TACR1: variants seen among roughly 807,000 people sequenced by gnomAD.
The protein encoded by TACR1 is tachykinin receptor 1.
A neutral mutation model predicts 35.8 loss-of-function variants in TACR1; 25 were observed. The observed-to-expected ratio is 0.70, with a 90% CI of 0.51 to 0.98. The LOEUF is 0.98. TACR1 is among the 50% of genes least tolerant of loss of function. TACR1 has a pLI of 0.00. For synonymous variants in TACR1, 195 were observed against 206.7 expected (o/e 0.94, Z 0.48); for missense variants, 478 against 522.9 (o/e 0.91, Z 0.84).
At chr2:75,067,334 C>T (rs1294332121) in intron 2 of TACR1, among the ~76,000 whole-genome samples, 3 of 152,078 alleles carry the variant, frequency 2.0e-5, no homozygotes, top group South Asian at 2.1e-4. Context: ...TGGGGCCAGC[C>T]GTGTGTTGAG....
At chr2:75,165,830 T>G (rs943308078) in intron 1 of TACR1, among the ~76,000 whole-genome samples, 1 of 152,226 alleles carries the variant, frequency 6.6e-6, no homozygotes. Flanking sequence ...ACAGCCCACC[T>G]TCTGTCAGAG....
chr2:75,101,676 G>A (rs1302883034), intron 2 of TACR1, among the ~76,000 whole-genome samples: 6 of 152,064 alleles, frequency 3.9e-5, no homozygotes, highest in Non-Finnish European at 8.8e-5. Flanking sequence ...GGCCGGGCAC[G>A]GTGGCTCACA....
Position 75,182,402 on chromosome 2 carries a change from C to T in TACR1, c.389+16144G>A, listed in dbSNP as rs542271865. ...CAATCTATAGTATCTGCCACAATAC[C>T]CACCCCTGACACTCTCACCCTGAAC... is the stretch of plus-strand genomic sequence containing the variant. On this transcript the variant is annotated intron_variant, in intron 1 of 4. Coordinates refer to ENST00000305249, the MANE Select transcript of TACR1 (RefSeq NM_001058.4). Among the ~76,000 whole-genome samples the T allele has an allele frequency of 8.6e-5, 13 of 152,024 alleles. No individual in the cohort carries two copies. The South Asian group carries it at 2.5e-3, about 29-fold the overall frequency.
intron 2 of TACR1, among the ~76,000 whole-genome samples, chr2:75,084,351 G>A (rs1176187992): frequency 7.9e-5 from 12 of 152,212 alleles, no homozygotes; most frequent in South Asian, 2.1e-4. Context: ...GAGGATTTTC[G>A]CATCAATGTT....
chr2:75,088,369 G>C (rs1378403024), intron 2 of TACR1, among the ~76,000 whole-genome samples: 1 of 152,030 alleles, frequency 6.6e-6, no homozygotes, highest in Non-Finnish European at 1.5e-5. Flanking sequence ...GAAATCTCCA[G>C]CCTTTTTATT....
At chr2:75,161,580 C>T (rs1675010636) in intron 1 of TACR1, among the ~76,000 whole-genome samples, 1 of 151,970 alleles carries the variant, frequency 6.6e-6, no homozygotes, top group Non-Finnish European at 1.5e-5. Context: ...ACAGAATGCG[C>T]AACTTTCAAG....
chr2:75,180,993 T>C (rs746518513), intron 1 of TACR1, among the ~76,000 whole-genome samples: 1 of 152,228 alleles, frequency 6.6e-6, no homozygotes, highest in African/African-American at 2.4e-5. Context: ...TGTCTAGCAG[T>C]CTGCCAAGTT....
Position 75,198,663 on chromosome 2 carries a change from G to T in TACR1, c.272C>A (p.Thr91Asn). The T allele has an allele frequency of 1.9e-6, 3 of 1,614,228 alleles. No homozygotes were observed. Among genetic ancestry groups the T allele is most frequent in the Non-Finnish European group, 2.5e-6 (3 of 1,180,026 alleles). Residue 91 changes from threonine to asparagine, a missense_variant, in exon 1 of 5, where the codon ACC (threonine) becomes AAC (asparagine). Thr to Asn is a moderately conservative substitution (Grantham distance 65, BLOSUM62 0). Coordinates refer to ENST00000305249, the MANE Select transcript of TACR1 (RefSeq NM_001058.4). ...MAAFNTVVNFTYAVHNEWYYG... is the reference protein window; with the variant it reads ...MAAFNTVVNFNYAVHNEWYYG... Reference sequence around the variant, plus strand: ...GTACCATTCGTTGTGGACAGCATAGGTGAAGTTCACCACTGTATTGAATGC... The same window carrying T: ...GTACCATTCGTTGTGGACAGCATAGTTGAAGTTCACCACTGTATTGAATGC...
intron 1 of TACR1, among the ~76,000 whole-genome samples, chr2:75,131,426 T>G (rs1202676913): frequency 1.3e-5 from 2 of 152,172 alleles, no homozygotes. Flanking sequence ...AACTCATAGA[T>G]TCAAAGTTTT....
chr2:75,182,639 A>G (rs550603631), intron 1 of TACR1, among the ~76,000 whole-genome samples: 1 of 152,352 alleles, frequency 6.6e-6, no homozygotes, highest in East Asian at 1.9e-4. Flanking sequence ...ATGTTTGGAT[A>G]GACAAAAACT....
At chr2:75,130,833 G>A (rs1344210515) in intron 1 of TACR1, among the ~76,000 whole-genome samples, 1 of 152,158 alleles carries the variant, frequency 6.6e-6, no homozygotes, top group African/African-American at 2.4e-5. Flanking sequence ...AACCTATGCA[G>A]GGAAAATGGT....
chr2:75,133,585 G>C (rs1458011553), intron 1 of TACR1, among the ~76,000 whole-genome samples: 1 of 152,146 alleles, frequency 6.6e-6, no homozygotes, highest in African/African-American at 2.4e-5. Context: ...CATCCACCAA[G>C]TGCTGGGGCT....
intron 2 of TACR1, among the ~76,000 whole-genome samples, chr2:75,074,036 G>A (rs1331528987): frequency 3.3e-5 from 5 of 152,138 alleles, no homozygotes; most frequent in Non-Finnish European, 7.3e-5. Flanking sequence ...ATATTATATA[G>A]TATGGTTATG....
At chr2:75,056,358 T>C (rs1672567350) in intron 2 of TACR1, among the ~76,000 whole-genome samples, 1 of 152,186 alleles carries the variant, frequency 6.6e-6, no homozygotes, top group African/African-American at 2.4e-5. Flanking sequence ...CTTGGGCTCT[T>C]ACAGGGTAGG....
intron 2 of TACR1, among the ~76,000 whole-genome samples, chr2:75,062,183 A>G (rs1672684851): frequency 6.6e-6 from 1 of 152,160 alleles, no homozygotes; most frequent in African/African-American, 2.4e-5. Flanking sequence ...CTTCAGGCAA[A>G]GAGCCCGAGT....
intron 1 of TACR1, among the ~76,000 whole-genome samples, chr2:75,176,223 TAC>T (rs1296756032): frequency 6.6e-6 from 1 of 152,070 alleles, no homozygotes; most frequent in Non-Finnish European, 1.5e-5. Flanking sequence ...TCTTTTATAA[TAC>T]AGTTAGGACA....
In TACR1 at chr2:75,063,365, T is replaced by C. The variant is rs370336939; in HGVS notation, c.585-9610A>G. Among the ~76,000 whole-genome samples, 4 of 152,268 alleles carry C rather than the reference T, an allele frequency of 2.6e-5. No individual in the cohort carries two copies. In the East Asian group the frequency reaches 7.7e-4, roughly 29 times the overall value. ...ACTCTTTATGGCTTCTATTGTGTTATACTTAGAAGGACCTTCTCCATTTCA... is the reference window on the plus strand; with the variant it reads ...ACTCTTTATGGCTTCTATTGTGTTACACTTAGAAGGACCTTCTCCATTTCA... On this transcript the variant is annotated intron_variant, in intron 2 of 4. Coordinates refer to ENST00000305249, the MANE Select transcript of TACR1 (RefSeq NM_001058.4).
chr2:75,052,918 T>C (rs72916577), intron 3 of TACR1, among the ~76,000 whole-genome samples: 1,649 of 152,226 alleles, frequency 0.011, 30 homozygotes, highest in African/African-American at 0.038. Flanking sequence ...TGCAAAGCAG[T>C]TCCAGGTAGT....
At chr2:75,187,905 G>C (rs1367303427) in intron 1 of TACR1, 1 of 152,156 alleles carries the variant, frequency 6.6e-6, no homozygotes, top group African/African-American at 2.4e-5. Context: ...GCTTTGATTT[G>C]GCAGGTAATC....
Sources: gnomAD v4.1 joint callset for allele counts (sites outside exome capture counted in the v4.1 genomes callset) on GRCh38, gnomAD v4.1.1 for gene constraint, MANE v1.5 for transcripts, NCBI Gene and HGNC (gene_info 2026-07-23, HGNC 2026-07-21) for gene names.